Variants in RBM20 observed in about 807,000 individuals in gnomAD.
RBM20 encodes RNA-binding protein 20.
Under a neutral mutation model 110.1 loss-of-function variants are expected in RBM20, and 51 were observed. That is an observed-to-expected ratio of 0.46 (90% CI 0.37 to 0.59). The LOEUF (loss-of-function observed/expected upper bound fraction) is 0.59, where lower values mean the gene tolerates loss of function less well. Ranked by LOEUF, RBM20 falls within the 20% of genes least tolerant of loss-of-function variation. The pLI is 0.00. For synonymous variants in RBM20, 589 were observed against 618.2 expected (o/e 0.95, Z 0.70); for missense variants, 1,512 against 1,574.9 (o/e 0.96, Z 0.68).
At position 110,715,768 on chromosome 10, in the gene RBM20, A is replaced by C. The variant is rs986573760; in HGVS notation, c.192-65033A>C. 3.9e-5 allele frequency among the ~76,000 whole-genome samples: 6 copies of C among 152,216 alleles called. 1 individual carries two copies. Among genetic ancestry groups the C allele is most frequent in the African/African-American group, 1.4e-4 (6 of 41,450 alleles). On this transcript the variant is annotated intron_variant, in intron 1 of 13. Coordinates refer to ENST00000369519, the MANE Select transcript of RBM20 (RefSeq NM_001134363.3). ...ATCACTGAGATGGGGAAGAGAGAGT[A>C]CTGAAGGGTCTCACCCCTGCAATTA...
intron 7 of RBM20, among the ~76,000 whole-genome samples, chr10:110,803,630 G>A (rs1590690173): frequency 6.6e-6 from 1 of 152,050 alleles, no homozygotes; most frequent in South Asian, 2.1e-4. Context: ...TGCTCCCCAA[G>A]CTGCCATATT....
At chr10:110,758,014 C>CTTTTTTTTTTTTTTTTTTTTTTT (rs760246427) in intron 1 of RBM20, among the ~76,000 whole-genome samples, 1 of 79,910 alleles carries the variant, frequency 1.3e-5, no homozygotes, top group African/African-American at 5.2e-5. Flanking sequence ...GATCCTTGTT[C>CTTTTTTTTTTTTTTTTTTTTTTT]TTTTTTTTTT....
At chr10:110,738,819 C>T (rs929470351) in intron 1 of RBM20, among the ~76,000 whole-genome samples, 4 of 152,002 alleles carry the variant, frequency 2.6e-5, no homozygotes, top group East Asian at 3.9e-4. Context: ...GAGGAGGTGG[C>T]GAGGCTGACA....
At chr10:110,757,791 C>T (rs1327458837) in intron 1 of RBM20, among the ~76,000 whole-genome samples, 1 of 152,188 alleles carries the variant, frequency 6.6e-6, no homozygotes, top group African/African-American at 2.4e-5. Context: ...CAGCACTCAG[C>T]CTCCCAGATA....
intron 1 of RBM20, among the ~76,000 whole-genome samples, chr10:110,655,190 AAAAT>A (rs1862003689): frequency 6.6e-6 from 1 of 152,240 alleles, no homozygotes; most frequent in Non-Finnish European, 1.5e-5. Context: ...AAAAATGACT[AAAAT>A]AAATCTGAAA....
chr10:110,696,082 G>A (rs950073172), intron 1 of RBM20, among the ~76,000 whole-genome samples: 4 of 152,166 alleles, frequency 2.6e-5, no homozygotes, highest in African/African-American at 9.7e-5. Flanking sequence ...GTGGGCCCAG[G>A]AATCTGTTTT....
intron 1 of RBM20, among the ~76,000 whole-genome samples, chr10:110,758,457 A>G (rs960108940): frequency 2.0e-5 from 3 of 152,184 alleles, no homozygotes; most frequent in Non-Finnish European, 4.4e-5. Flanking sequence ...GCTTTAGAGG[A>G]GTCCACACGC....
chr10:110,658,962 T>C (rs1326606776), intron 1 of RBM20, among the ~76,000 whole-genome samples: 1 of 152,184 alleles, frequency 6.6e-6, no homozygotes, highest in Non-Finnish European at 1.5e-5. Context: ...TGCTCTCCTC[T>C]TGCTTGTCTC....
At chr10:110,802,671 G>A (rs1299197931) in intron 7 of RBM20, among the ~76,000 whole-genome samples, 3 of 152,186 alleles carry the variant, frequency 2.0e-5, no homozygotes, top group African/African-American at 7.2e-5. Flanking sequence ...AAAAACATGG[G>A]TTAAAGAGGT....
intron 12 of RBM20, chr10:110,827,740 A>G (rs537920102): frequency 6.6e-6 from 1 of 152,254 alleles, no homozygotes; most frequent in African/African-American, 2.4e-5. Flanking sequence ...AGGGTTGTCT[A>G]TTATTATTAT....
chr10:110,644,324 C>T (rs1041457995), upstream of RBM20: 3 of 626,034 alleles, frequency 4.8e-6, no homozygotes, highest in Admixed American at 8.7e-5. The surrounding 1 kb of genome is among the most constrained non-coding windows in gnomAD (Gnocchi z 4.3). Flanking sequence ...CCGCCCCTCG[C>T]GTCTCCTCCC....
intron 1 of RBM20, among the ~76,000 whole-genome samples, chr10:110,724,518 C>T (rs961596140): frequency 3.3e-5 from 5 of 152,128 alleles, no homozygotes; most frequent in African/African-American, 7.2e-5. Context: ...GAGCAGGAAC[C>T]ATTGACTTGA....
At chr10:110,651,458 T>C (rs1308309019) in intron 1 of RBM20, among the ~76,000 whole-genome samples, 1 of 152,132 alleles carries the variant, frequency 6.6e-6, no homozygotes, top group Non-Finnish European at 1.5e-5. Flanking sequence ...TAAGAATAAT[T>C]TTTTGGAATG....
chr10:110,759,667 G>A (rs1210642496), intron 1 of RBM20, among the ~76,000 whole-genome samples: 1 of 152,132 alleles, frequency 6.6e-6, no homozygotes, highest in African/African-American at 2.4e-5. Context: ...ATGGAGATTC[G>A]GCTCCAGCAA....
At chr10:110,670,894 G>C (rs1862247951) in intron 1 of RBM20, among the ~76,000 whole-genome samples, 1 of 152,114 alleles carries the variant, frequency 6.6e-6, no homozygotes, top group South Asian at 2.1e-4. Flanking sequence ...TTGGTCATGT[G>C]CATATATTTT....
chr10:110,742,514 G>T (rs901281694), intron 1 of RBM20, among the ~76,000 whole-genome samples: 2 of 152,158 alleles, frequency 1.3e-5, no homozygotes, highest in Non-Finnish European at 2.9e-5. Context: ...ACAGTCCCCT[G>T]GCAGTGTGCT....
intron 7 of RBM20, among the ~76,000 whole-genome samples, chr10:110,804,982 C>T (rs781480399): frequency 1.8e-4 from 28 of 152,162 alleles, no homozygotes; most frequent in South Asian, 4.2e-4. Context: ...CCAGCCTCCT[C>T]GCTACAGAGA....
intron 1 of RBM20, among the ~76,000 whole-genome samples, chr10:110,767,272 T>A (rs1376018333): frequency 7.8e-6 from 1 of 127,958 alleles, no homozygotes; most frequent in African/African-American, 3.0e-5. Context: ...GGCTCCTCAC[T>A]TCCCAGTAGG....
intron 1 of RBM20, among the ~76,000 whole-genome samples, chr10:110,680,527 A>G (rs1862407771): frequency 6.6e-6 from 1 of 152,052 alleles, no homozygotes; most frequent in Non-Finnish European, 1.5e-5. Flanking sequence ...GGCATGATGG[A>G]TGGCCTCGGG....
Sources: gnomAD v4.1 joint callset for allele counts (sites outside exome capture counted in the v4.1 genomes callset) on GRCh38, gnomAD v4.1.1 for gene constraint, Gnocchi (gnomAD v3.1) non-coding constraint, MANE v1.5 for transcripts, NCBI Gene and HGNC (gene_info 2026-07-23, HGNC 2026-07-21) for gene names.